Variants in CTNNA3 observed in about 807,000 individuals in gnomAD.
CTNNA3 encodes catenin alpha 3.
In CTNNA3, 76 loss-of-function variants were observed where a neutral mutation model predicts 95.7. That is an observed-to-expected ratio of 0.79 (90% CI 0.66 to 0.96). The LOEUF is 0.96. Among genes scored for constraint, CTNNA3 ranks in the 40% least tolerant of loss-of-function variants. The probability of loss-of-function intolerance (pLI) is 0.00; values close to 1 mark genes in which losing one functional copy is unlikely to be tolerated. For synonymous variants in CTNNA3, 431 were observed against 374.4 expected, an observed-to-expected ratio of 1.15 and a Z score of -1.74; for missense variants, 1,191 against 1,089.8, an observed-to-expected ratio of 1.09 and a Z score of -1.31.
chr10:66,604,680 G>T (rs1844053763), intron 10 of CTNNA3, among the ~76,000 whole-genome samples: 1 of 151,774 alleles, frequency 6.6e-6, no homozygotes, highest in Admixed American at 6.6e-5. Flanking sequence ...CAGTACAGGA[G>T]CTGAGAGCTA....
intron 7 of CTNNA3, among the ~76,000 whole-genome samples, chr10:66,858,856 G>T (rs949174729): frequency 6.6e-6 from 1 of 151,836 alleles, no homozygotes; most frequent in Admixed American, 6.6e-5. Context: ...TTGATCTTTT[G>T]TATGGTTTTT....
In CTNNA3 at chr10:66,443,092, C is replaced by T. The variant is rs1051207877; in HGVS notation, c.1532-63740G>A. ...GCAGTCTGAGATCAAACTGCAAGGC[C>T]ACAGGGAGGCTGGGGGAGGGGCGCC... is the stretch of plus-strand genomic sequence containing the variant. On this transcript the variant is annotated intron_variant, in intron 11 of 17. Transcript: ENST00000433211. 5.9e-5 allele frequency among the ~76,000 whole-genome samples: 9 copies of T among 152,100 alleles called. No individual in the cohort carries two copies. The South Asian group carries it at 6.2e-4, about 11-fold the overall frequency.
chr10:66,971,414 G>C (rs990832041), intron 7 of CTNNA3, among the ~76,000 whole-genome samples: 2 of 95,134 alleles, frequency 2.1e-5, no homozygotes, highest in African/African-American at 6.5e-5. Context: ...GCAACAGAGA[G>C]AGACTCCGTC....
At chr10:66,227,692 G>A (rs953306143) in intron 13 of CTNNA3, among the ~76,000 whole-genome samples, 1 of 152,082 alleles carries the variant, frequency 6.6e-6, no homozygotes, top group African/African-American at 2.4e-5. Flanking sequence ...CTTATAAAAT[G>A]AGTAAGAAAG....
intron 1 of CTNNA3, among the ~76,000 whole-genome samples, chr10:67,648,977 A>G (rs1241205901): frequency 1.3e-5 from 2 of 152,250 alleles, no homozygotes; most frequent in Non-Finnish European, 2.9e-5. Context: ...TAACACAGGG[A>G]AATCTAAATT....
intron 3 of CTNNA3, among the ~76,000 whole-genome samples, chr10:67,566,408 A>C (rs1346108532): frequency 1.3e-5 from 2 of 151,554 alleles, no homozygotes; most frequent in Non-Finnish European, 3.0e-5. Flanking sequence ...GCAGCCAAAA[A>C]CACATGAAAA....
chr10:66,435,434 T>C (rs556078465), intron 11 of CTNNA3, among the ~76,000 whole-genome samples: 4 of 152,198 alleles, frequency 2.6e-5, no homozygotes, highest in Non-Finnish European at 5.9e-5. Context: ...TTTATTTGCA[T>C]AGAGGTGTTT....
In CTNNA3 at chr10:65,916,338, A is replaced by G. The variant is rs1029129480; in HGVS notation, c.*3992T>C. The G allele has an allele frequency of 6.6e-6, 1 of 152,182 alleles. No individual in the cohort carries two copies. Among genetic ancestry groups the G allele is most frequent in the Admixed American group, 6.5e-5 (1 of 15,268 alleles). 9.4% of individuals were successfully genotyped at this position (152,182 alleles called of 1,614,324 possible). A position where few individuals can be genotyped will look rare whatever the true frequency, so the allele number is the denominator to read the frequency against. On this transcript the variant is annotated 3_prime_UTR_variant, in exon 18 of 18. Coordinates refer to ENST00000433211, the MANE Select transcript of CTNNA3 (RefSeq NM_013266.4). ...GGCAAAAAATAGGCCAACAAAAGAA[A>G]GTACAGATTTCATTCAAATTCAGAT...
At chr10:67,542,336 T>C (rs1276686061) in intron 3 of CTNNA3, among the ~76,000 whole-genome samples, 5 of 152,090 alleles carry the variant, frequency 3.3e-5, no homozygotes, top group African/African-American at 1.2e-4. Context: ...TAATTTATTA[T>C]AACAAATTGT....
upstream of CTNNA3, among the ~76,000 whole-genome samples, chr10:67,698,287 C>G (rs1223332521): frequency 6.6e-6 from 1 of 152,016 alleles, no homozygotes; most frequent in Non-Finnish European, 1.5e-5. Flanking sequence ...AGGGCCATTA[C>G]TAGCAATTCT....
intron 17 of CTNNA3, among the ~76,000 whole-genome samples, chr10:65,940,305 A>T (rs2077409529): frequency 6.6e-6 from 1 of 152,204 alleles, no homozygotes; most frequent in Non-Finnish European, 1.5e-5. Flanking sequence ...ATAGTTATTG[A>T]GGGACATTTG....
At chr10:66,964,148 C>G (rs1399243834) in intron 7 of CTNNA3, among the ~76,000 whole-genome samples, 4 of 152,128 alleles carry the variant, frequency 2.6e-5, no homozygotes, top group Admixed American at 2.6e-4. Flanking sequence ...CCGCACCCAG[C>G]CAGACATCAA....
chr10:66,897,058 C>A (rs1294293571), intron 7 of CTNNA3, among the ~76,000 whole-genome samples: 2 of 152,028 alleles, frequency 1.3e-5, no homozygotes, highest in East Asian at 3.9e-4. Context: ...GAGTTCTCAG[C>A]AAAAGTTTAT....
intron 15 of CTNNA3, among the ~76,000 whole-genome samples, chr10:66,051,438 C>A (rs2133537669): frequency 6.6e-6 from 1 of 152,262 alleles, no homozygotes; most frequent in Non-Finnish European, 1.5e-5. Flanking sequence ...TACTTACTTG[C>A]AAAATAATTC....
intron 12 of CTNNA3, among the ~76,000 whole-genome samples, chr10:66,373,707 C>T (rs1485512891): frequency 1.3e-5 from 2 of 152,200 alleles, no homozygotes; most frequent in Admixed American, 1.3e-4. Flanking sequence ...CCAACAATGG[C>T]TCCCAAATGT....
chr10:67,546,983 C>G (rs1172995184), intron 3 of CTNNA3, among the ~76,000 whole-genome samples: 1 of 152,088 alleles, frequency 6.6e-6, no homozygotes, highest in Non-Finnish European at 1.5e-5. Flanking sequence ...ATAAATGATA[C>G]CTAACCCTTA....
At chr10:66,205,757 C>T (rs1301834794) in intron 13 of CTNNA3, among the ~76,000 whole-genome samples, 1 of 151,876 alleles carries the variant, frequency 6.6e-6, no homozygotes, top group Non-Finnish European at 1.5e-5. Flanking sequence ...TGCGATCTGA[C>T]TTATAATAAT....
intron 12 of CTNNA3, among the ~76,000 whole-genome samples, chr10:66,313,953 C>G (rs2092061884): frequency 6.6e-6 from 1 of 152,278 alleles, no homozygotes; most frequent in Non-Finnish European, 1.5e-5. Flanking sequence ...TTTCTTTGCT[C>G]TATTTTAATT....
intron 3 of CTNNA3, among the ~76,000 whole-genome samples, chr10:67,566,604 T>A (rs1841812723): frequency 6.6e-6 from 1 of 152,070 alleles, no homozygotes; most frequent in Non-Finnish European, 1.5e-5. Flanking sequence ...ATTGTGGAAG[T>A]CAGTGTGGCG....
Sources: allele counts gnomAD v4.1 joint callset (sites outside exome capture counted in the v4.1 genomes callset), GRCh38; gene constraint gnomAD v4.1.1; transcripts MANE v1.5; gene names NCBI Gene and HGNC (gene_info 2026-07-23, HGNC 2026-07-21).